ZNF385D: variants seen among roughly 807,000 people sequenced by gnomAD.
ZNF385D encodes the protein zinc finger protein 659.
A neutral mutation model predicts 35.8 loss-of-function variants in ZNF385D; 15 were observed. The ratio of observed to expected loss-of-function variants is 0.42; its 90% CI spans 0.28 to 0.64. The LOEUF (loss-of-function observed/expected upper bound fraction) is 0.64, where lower values mean the gene tolerates loss of function less well. Ranked by LOEUF, ZNF385D falls within the 30% of genes least tolerant of loss-of-function variation. The probability of loss-of-function intolerance (pLI) is 0.23; values close to 1 mark genes in which losing one functional copy is unlikely to be tolerated. For missense variants in ZNF385D, 474 were observed against 494.6 expected (o/e 0.96, Z 0.39); for synonymous variants, 212 against 186.8 (o/e 1.13, Z -1.10).
At chr3:21,653,462 G>A (rs1262451147) in intron 2 of ZNF385D, among the ~76,000 whole-genome samples, 1 of 151,958 alleles carries the variant, frequency 6.6e-6, no homozygotes, top group Non-Finnish European at 1.5e-5. Context: ...TTTAAACCAT[G>A]AGCCACAGTA....
chr3:21,443,026 G>A (rs944584062), intron 4 of ZNF385D: 12 of 660,302 alleles, frequency 1.8e-5, no homozygotes, highest in African/African-American at 3.9e-5. Context: ...GTATGTCTAA[G>A]CAGAAAAAGT....
At chr3:21,704,374 C>A (rs1307815500) in intron 1 of ZNF385D, among the ~76,000 whole-genome samples, 3 of 152,056 alleles carry the variant, frequency 2.0e-5, no homozygotes, top group Non-Finnish European at 4.4e-5. Flanking sequence ...CCCTCAGAGT[C>A]CCGAGCACAC....
chr3:21,858,776 T>C (rs1696876128), intron 3 of ZNF385D, among the ~76,000 whole-genome samples: 1 of 152,104 alleles, frequency 6.6e-6, no homozygotes, highest in Non-Finnish European at 1.5e-5. Context: ...AATTTTATAG[T>C]TCTACATAAG....
At chr3:22,364,280 A>T (rs1362993147) in intron 2 of ZNF385D, among the ~76,000 whole-genome samples, 1 of 152,126 alleles carries the variant, frequency 6.6e-6, no homozygotes, top group Non-Finnish European at 1.5e-5. Flanking sequence ...GAAAATTTTA[A>T]AATTTTGTGC....
chr3:21,782,686 GATT>G (rs1255989431), intron 3 of ZNF385D, among the ~76,000 whole-genome samples: 1 of 152,008 alleles, frequency 6.6e-6, no homozygotes, highest in South Asian at 2.1e-4. Flanking sequence ...TTTTTCTTAG[GATT>G]ATTTGGAGAA....
intron 3 of ZNF385D, among the ~76,000 whole-genome samples, chr3:22,088,213 G>A (rs1701145282): frequency 3.9e-5 from 6 of 152,166 alleles, no homozygotes; most frequent in South Asian, 4.2e-4. Context: ...ATGTTAACAT[G>A]GGCACGATGA....
chr3:21,870,483 T>C (rs12492515), intron 3 of ZNF385D, among the ~76,000 whole-genome samples: 10,651 of 152,292 alleles, frequency 0.07, 547 homozygotes, highest in East Asian at 0.18. Context: ...ATCTTCAACA[T>C]GTACGTAAAC....
At chr3:21,617,814 T>TG (rs2064892235) in intron 2 of ZNF385D, among the ~76,000 whole-genome samples, 1 of 152,066 alleles carries the variant, frequency 6.6e-6, no homozygotes, top group Non-Finnish European at 1.5e-5. Flanking sequence ...GAACACTGGG[T>TG]GAGGAGTGAG....
chr3:22,162,639 G>T (rs778839917), intron 3 of ZNF385D, among the ~76,000 whole-genome samples: 2 of 152,052 alleles, frequency 1.3e-5, no homozygotes, highest in Non-Finnish European at 2.9e-5. Flanking sequence ...CTTGCACTAC[G>T]CAGTAGGCAG....
At chr3:22,251,370 C>CA (rs1315328266) in intron 2 of ZNF385D, among the ~76,000 whole-genome samples, 4 of 152,076 alleles carry the variant, frequency 2.6e-5, no homozygotes, top group Admixed American at 6.6e-5. Context: ...TTGTCTTCCA[C>CA]AAAAAACAAA....
intron 3 of ZNF385D, among the ~76,000 whole-genome samples, chr3:21,795,721 C>G (rs2072120953): frequency 6.6e-6 from 1 of 152,126 alleles, no homozygotes; most frequent in South Asian, 2.1e-4. Context: ...AATTCTGACT[C>G]TGGCTACTTG....
At chr3:22,015,574 C>T (rs1409135538) in intron 3 of ZNF385D, among the ~76,000 whole-genome samples, 2 of 152,048 alleles carry the variant, frequency 1.3e-5, no homozygotes, top group Non-Finnish European at 2.9e-5. Flanking sequence ...ACCCTTGTAC[C>T]CACATCTCTC....
intron 1 of ZNF385D, among the ~76,000 whole-genome samples, chr3:21,689,995 G>T (rs978186214): frequency 6.6e-6 from 1 of 151,712 alleles, no homozygotes; most frequent in Non-Finnish European, 1.5e-5. Flanking sequence ...TAATATTTTT[G>T]ATTGACAGAC....
intron 2 of ZNF385D, among the ~76,000 whole-genome samples, chr3:22,268,289 T>A (rs1700996576): frequency 6.6e-6 from 1 of 152,114 alleles, no homozygotes; most frequent in South Asian, 2.1e-4. Context: ...TCCACTAATA[T>A]TTACTAAAAC....
At chr3:21,960,267 G>A (rs1199407548) in intron 3 of ZNF385D, among the ~76,000 whole-genome samples, 1 of 150,800 alleles carries the variant, frequency 6.6e-6, no homozygotes, top group Non-Finnish European at 1.5e-5. Flanking sequence ...AAAAGTGGCA[G>A]AGGATCTAAA....
chr3:21,796,359 C>T (rs935435629), intron 3 of ZNF385D, among the ~76,000 whole-genome samples: 1 of 152,102 alleles, frequency 6.6e-6, no homozygotes, highest in Non-Finnish European at 1.5e-5. Context: ...ATCAATATCT[C>T]TCATAAATAT....
intron 5 of ZNF385D, 80 bp downstream of exon 5, chr3:21,436,890 C>G: frequency 7.4e-7 from 1 of 1,343,320 alleles, no homozygotes; most frequent in South Asian, 1.4e-5. Flanking sequence ...CCCTTTGTCC[C>G]CTGCTGCAAA....
intron 2 of ZNF385D, among the ~76,000 whole-genome samples, chr3:22,242,349 C>T (rs181754090): frequency 3.9e-4 from 59 of 151,150 alleles, no homozygotes; most frequent in African/African-American, 1.3e-3. Context: ...GAGAGTGCTT[C>T]TCACTTATCA....
chr3:22,013,135 G>A (rs541899732), intron 3 of ZNF385D, among the ~76,000 whole-genome samples: 1 of 152,200 alleles, frequency 6.6e-6, no homozygotes, highest in South Asian at 2.1e-4. Context: ...AGGTTAAGGA[G>A]AAAGTCAGTG....
Sources: gnomAD v4.1 joint callset for allele counts (sites outside exome capture counted in the v4.1 genomes callset) on GRCh38, gnomAD v4.1.1 for gene constraint, MANE v1.5 for transcripts, NCBI Gene and HGNC (gene_info 2026-07-23, HGNC 2026-07-21) for gene names.